The following DDX60L variants were observed in gnomAD, a reference collection of about 807,000 sequenced individuals.
DDX60L encodes DExD/H-box 60 like.
DDX60L carries 191 observed loss-of-function variants against 211.6 expected under a neutral mutation model. The observed-to-expected ratio is 0.90, with a 90% CI of 0.80 to 1.02. The LOEUF is 1.02. Ranked by LOEUF, DDX60L falls within the 50% of genes least tolerant of loss-of-function variation. DDX60L has a pLI of 0.00. For synonymous variants in DDX60L, 706 were observed against 694.1 expected, an observed-to-expected ratio of 1.02 and a Z score of -0.27; for missense variants, 2,007 against 1,984.1, an observed-to-expected ratio of 1.01 and a Z score of -0.22.
At chr4:168,359,604 C>T (rs1738756920) in intron 37 of DDX60L, among the ~76,000 whole-genome samples, 1 of 152,188 alleles carries the variant, frequency 6.6e-6, no homozygotes. Context: ...AGTTTCTCTA[C>T]CTCTTGAGTT....
At chr4:168,403,917 GAAAACAA>G (rs1397616416) in intron 25 of DDX60L, 58 bp downstream of exon 25, 1 of 1,088,334 alleles carries the variant, frequency 9.2e-7, no homozygotes, top group Non-Finnish European at 1.2e-6. Flanking sequence ...GAGACTAATT[GAAAACAA>G]AACCAAACAA....
At chr4:168,473,809 T>G (rs991107419) in intron 1 of DDX60L, among the ~76,000 whole-genome samples, 1 of 152,198 alleles carries the variant, frequency 6.6e-6, no homozygotes. Context: ...AATCCTTGTC[T>G]TAGGAGGTGA....
intron 17 of DDX60L, 106 bp from the exon 18 acceptor site, chr4:168,420,486 A>G: frequency 1.9e-6 from 1 of 540,326 alleles, no homozygotes; most frequent in Non-Finnish European, 2.9e-6. Context: ...ACACACACAC[A>G]CACACACACA....
chr4:168,469,031 A>G (rs1758388226), intron 4 of DDX60L: 1 of 152,224 alleles, frequency 6.6e-6, no homozygotes, highest in Non-Finnish European at 1.5e-5. Flanking sequence ...AATTTAATGA[A>G]TATCATTAAA....
In DDX60L at chr4:168,379,513, G is replaced by A; in HGVS notation, c.4222-9C>T. 1 of 1,542,572 alleles carries A rather than the reference G, an allele frequency of 6.5e-7. No individual in the cohort carries two copies. Among genetic ancestry groups the A allele is most frequent in the Non-Finnish European group, 8.7e-7 (1 of 1,148,374 alleles). On this transcript the variant is annotated splice_polypyrimidine_tract_variant and intron_variant, in intron 31 of 37. Transcript: ENST00000682922. ...TTTTTATTTAAATAGTCCTAAAAAT[G>A]AGAAACAAAAAGTTGATTTAACTTG...
At chr4:168,381,927 C>G (rs912227689) in intron 30 of DDX60L, among the ~76,000 whole-genome samples, 2 of 152,152 alleles carry the variant, frequency 1.3e-5, no homozygotes, top group East Asian at 1.9e-4. Flanking sequence ...GTGTACTACT[C>G]TCTCTTCCTG....
chr4:168,369,943 G>A (rs867858352), intron 36 of DDX60L, among the ~76,000 whole-genome samples: 7 of 152,052 alleles, frequency 4.6e-5, no homozygotes, highest in East Asian at 3.8e-4. Context: ...TGAATGTGAC[G>A]GAAAGGGAAC....
chr4:168,471,247 C>A (rs1294723712), intron 4 of DDX60L, among the ~76,000 whole-genome samples: 1 of 152,078 alleles, frequency 6.6e-6, no homozygotes, highest in Non-Finnish European at 1.5e-5. Context: ...AAAGGATTGA[C>A]AGGTGAATAA....
At chr4:168,373,125 A>G (rs1028289614) in intron 35 of DDX60L, among the ~76,000 whole-genome samples, 1 of 152,126 alleles carries the variant, frequency 6.6e-6, no homozygotes, top group East Asian at 1.9e-4. Flanking sequence ...ATGATGTGTG[A>G]CTCTCTGACC....
Position 168,357,604 on chromosome 4 carries a change from T to A in DDX60L, c.*543A>T, listed in dbSNP as rs1405765064. ...CATGACCTATCATCTCCTAATACCA[T>A]CACATTGAGGGTTAGAATTTCAATA... On this transcript the variant is annotated 3_prime_UTR_variant, in exon 38 of 38. Transcript: ENST00000682922. 1.9e-5 allele frequency: 3 copies of A among 154,150 alleles called. No homozygotes were observed. The highest frequency in any genetic ancestry group is 7.2e-5 in the African/African-American group (3 of 41,442). The allele number at this position is 154,150 out of a possible 1,614,324, so 9.5% of individuals were successfully genotyped here. A position where few individuals can be genotyped will look rare whatever the true frequency, so the allele number is the denominator to read the frequency against.
chr4:168,386,859 G>C (rs1246354001), intron 29 of DDX60L, among the ~76,000 whole-genome samples: 2 of 152,134 alleles, frequency 1.3e-5, no homozygotes, highest in Non-Finnish European at 2.9e-5. Flanking sequence ...AGATTAGATT[G>C]ATTAGGATAA....
intron 17 of DDX60L, among the ~76,000 whole-genome samples, chr4:168,421,222 T>C (rs1750550041): frequency 6.6e-6 from 1 of 152,132 alleles, no homozygotes; most frequent in Admixed American, 6.6e-5. Flanking sequence ...CAACTTAAAA[T>C]GTAAATTTTT....
chr4:168,462,666 A>G (rs2150105850), intron 4 of DDX60L, among the ~76,000 whole-genome samples: 1 of 152,210 alleles, frequency 6.6e-6, no homozygotes, highest in South Asian at 2.1e-4. Flanking sequence ...TACAAAAATT[A>G]GCTGGGCGCA....
At chr4:168,391,844 G>A (rs1254554713) in intron 28 of DDX60L, among the ~76,000 whole-genome samples, 200 bp from the exon 29 acceptor site, 1 of 152,090 alleles carries the variant, frequency 6.6e-6, no homozygotes, top group Non-Finnish European at 1.5e-5. Context: ...CCTAACTGTT[G>A]CCATTTGCTC....
intron 22 of DDX60L, 91 bp from the exon 23 acceptor site, chr4:168,406,797 G>A (rs1329453632): frequency 8.8e-6 from 8 of 911,574 alleles, no homozygotes; most frequent in South Asian, 1.6e-5. Flanking sequence ...AAACCCTCAA[G>A]TCTTTACCTG....
intron 13 of DDX60L, among the ~76,000 whole-genome samples, chr4:168,429,064 T>G (rs1255213969): frequency 1.3e-5 from 2 of 152,180 alleles, no homozygotes; most frequent in Non-Finnish European, 2.9e-5. Context: ...GGCAAAATAA[T>G]GAAGCTGATG....
chr4:168,440,653 G>A (rs376592208), intron 10 of DDX60L, among the ~76,000 whole-genome samples: 1 of 152,124 alleles, frequency 6.6e-6, no homozygotes, highest in African/African-American at 2.4e-5. Flanking sequence ...ACGACTCATT[G>A]CACTTCTCTT....
intron 8 of DDX60L, among the ~76,000 whole-genome samples, chr4:168,449,805 T>TAAA (rs777111638): frequency 0.025 from 1,953 of 77,592 alleles, 53 homozygotes; most frequent in African/African-American, 0.08. Flanking sequence ...TGGGTAAAAA[T>TAAA]AAAAAAAAAA....
At chr4:168,363,176 GAA>G (rs1329046414) in intron 36 of DDX60L, among the ~76,000 whole-genome samples, 1 of 152,102 alleles carries the variant, frequency 6.6e-6, no homozygotes, top group Non-Finnish European at 1.5e-5. Flanking sequence ...GAAAGAAAAA[GAA>G]AAGTCAGTCA....
Sources: gnomAD v4.1 joint callset for allele counts (sites outside exome capture counted in the v4.1 genomes callset) on GRCh38, gnomAD v4.1.1 for gene constraint, MANE v1.5 for transcripts, NCBI Gene and HGNC (gene_info 2026-07-23, HGNC 2026-07-21) for gene names.